The following MAP3K2 variants were observed in gnomAD, a reference collection of about 807,000 sequenced individuals.
The protein encoded by MAP3K2 is mitogen-activated protein kinase kinase kinase 2, also known as MAP/ERK kinase kinase 2.
Under a neutral mutation model 80.3 loss-of-function variants are expected in MAP3K2, and 24 were observed. The observed-to-expected ratio is 0.30, with a 90% CI of 0.22 to 0.42. The LOEUF is 0.42. MAP3K2 is among the 10% of genes least tolerant of loss of function. MAP3K2 has a pLI of 1.00. For synonymous variants in MAP3K2, 244 were observed against 253.7 expected, an observed-to-expected ratio of 0.96 and a Z score of 0.36; for missense variants, 608 against 750.1, an observed-to-expected ratio of 0.81 and a Z score of 2.21.
chr2:127,384,164 G>A lies in MAP3K2; in HGVS notation c.-66+3288C>T, dbSNP rs1687302563. ...CCCGCCTCGGCCTCCCAAAGTGCTG[G>A]GATTACAGGCGTGAGCCACCGTGCC... is the stretch of plus-strand genomic sequence containing the variant. On this transcript the variant is annotated intron_variant, in intron 1 of 16. Coordinates refer to ENST00000682094, the MANE Select transcript of MAP3K2 (RefSeq NM_001371910.2). Among the ~76,000 whole-genome samples the A allele has an allele frequency of 2.0e-5, 3 of 150,306 alleles. No homozygotes were observed. In the East Asian group the frequency reaches 5.8e-4, roughly 29 times the overall value.
At chr2:127,360,692 T>C (rs751307892) in intron 1 of MAP3K2, among the ~76,000 whole-genome samples, 3 of 152,234 alleles carry the variant, frequency 2.0e-5, no homozygotes, top group African/African-American at 7.2e-5. Context: ...ACAAATCTCA[T>C]TACTCTGCAG....
Position 127,334,266 on chromosome 2 carries a change from T to G in MAP3K2, c.264+1604A>C, listed in dbSNP as rs115951098. The stretch of plus-strand genomic sequence containing the variant: ...CAAATCATGTCATGCTAACCTCATT[T>G]TTCTTGATAGACCTACTAGGCTGTA... On this transcript the variant is annotated intron_variant, in intron 5 of 16. Coordinates refer to ENST00000682094, the MANE Select transcript of MAP3K2 (RefSeq NM_001371910.2). Among the ~76,000 whole-genome samples, 514 of 152,270 alleles carry G rather than the reference T, an allele frequency of 3.4e-3. 5 individuals are homozygous for G. The highest frequency in any genetic ancestry group is 0.012 in the African/African-American group (492 of 41,552).
At chr2:127,362,231 C>G (rs1574002233) in intron 1 of MAP3K2, among the ~76,000 whole-genome samples, 1 of 152,206 alleles carries the variant, frequency 6.6e-6, no homozygotes, top group Admixed American at 6.5e-5. Context: ...AGGTGTGTGA[C>G]CGCAGGCAAA....
At chr2:127,376,557 G>T (rs899681958) in intron 1 of MAP3K2, among the ~76,000 whole-genome samples, 4 of 152,118 alleles carry the variant, frequency 2.6e-5, no homozygotes, top group Admixed American at 2.6e-4. Context: ...GGGTCTGCGG[G>T]TTGGACCCAG....
intron 1 of MAP3K2, among the ~76,000 whole-genome samples, chr2:127,376,552 T>C (rs574265041): frequency 6.6e-6 from 1 of 152,292 alleles, no homozygotes; most frequent in African/African-American, 2.4e-5. Context: ...AGCCAGGGTC[T>C]GCGGGTTGGA....
Position 127,326,686 on chromosome 2 carries a change from C to G in MAP3K2, c.597+1G>C. ...ATTTAAAAAATCAAACTTTTGCTTA[C>G]TTGGTCCATGCTCTCTGGAATGAAC... On this transcript the variant is annotated splice_donor_variant, in intron 8 of 16. Transcript: ENST00000682094. LOFTEE classifies it high-confidence loss of function. 1 of 1,560,002 alleles carries G rather than the reference C, an allele frequency of 6.4e-7. No homozygotes were observed. Among genetic ancestry groups the G allele is most frequent in the Non-Finnish European group, 8.6e-7 (1 of 1,156,542 alleles).
At chr2:127,388,200 C>A (rs1368951507), upstream of MAP3K2, 5 of 985,256 alleles carry the variant, frequency 5.1e-6, no homozygotes, top group South Asian at 4.7e-5. Flanking sequence ...GCCCCCGCCC[C>A]TGCCCCGGGG....
chr2:127,351,535 A>T (rs559917164), intron 1 of MAP3K2, among the ~76,000 whole-genome samples: 1 of 152,294 alleles, frequency 6.6e-6, no homozygotes, highest in South Asian at 2.1e-4. Flanking sequence ...ATTTTGAGAT[A>T]GGCTTGACCC....
rs777516152 is a variant in MAP3K2 at position 127,318,256 on chromosome 2, C to G, written c.1107G>C (p.Arg369Ser). The change falls in exon 13 of 17, where the codon AGG becomes AGC. Residue 369 changes from arginine to serine, a missense_variant. Coordinates refer to ENST00000682094, the MANE Select transcript of MAP3K2 (RefSeq NM_001371910.2). ...TATCAACATCATAACAGAGGTAGAC[C>G]CTTCCAAAGGCTCCTTGGCCAAGCA... Reference protein sequence around the residue: ...GKLLGQGAFGRVYLCYDVDTG... With the variant: ...GKLLGQGAFGSVYLCYDVDTG... 3 of 1,610,770 alleles carry G rather than the reference C, an allele frequency of 1.9e-6. No individual in the cohort carries two copies.
rs1046895161 is a variant in MAP3K2, at chr2:127,322,530, A to C, written c.839-278T>G. 1.3e-5 allele frequency among the ~76,000 whole-genome samples: 2 copies of C among 152,072 alleles called. No homozygotes were observed. Among genetic ancestry groups the C allele is most frequent in the Admixed American group, 1.3e-4 (2 of 15,262 alleles). On this transcript the variant is annotated intron_variant, in intron 11 of 16. Transcript: ENST00000682094. The surrounding 1 kb of genome is among the most constrained non-coding windows in gnomAD (Gnocchi z 4.2). ...TGGATAAAAAGGAGGAAAAAAATTT[A>C]CTCTCATTTCCAATAATGATTTTAA...
Position 127,323,905 on chromosome 2 carries a change from C to G in MAP3K2, c.835G>C (p.Asp279His), listed in dbSNP as rs1317446211. ...HVSYHHQEYN[D>H]GRKTFPRARR... ...GGTCTAATTGCTAGAAACTTACCATCATTATACTCTTGATGATGATATGAA... is the reference window on the plus strand; with the variant it reads ...GGTCTAATTGCTAGAAACTTACCATGATTATACTCTTGATGATGATATGAA... The change falls in exon 11 of 17, where the codon GAT becomes CAT. Residue 279 changes from aspartate (D) to histidine (H), a missense_variant. Around this residue, in one of 4 missense-constraint regions of MAP3K2, gnomAD observed 467 missense variants for 521.9 expected, o/e 0.89. Coordinates refer to ENST00000682094, the MANE Select transcript of MAP3K2 (RefSeq NM_001371910.2). 6.8e-7 allele frequency: 1 copy of G among 1,461,126 alleles called. No individual in the cohort carries two copies. Among genetic ancestry groups the G allele is most frequent in the Non-Finnish European group, 9.3e-7 (1 of 1,072,070 alleles). The allele number at this position is 1,461,126 out of a possible 1,614,324, so 90.5% of individuals were successfully genotyped here. A position where few individuals can be genotyped will look rare whatever the true frequency, so the allele number is the denominator to read the frequency against.
chr2:127,299,395 T>C lies in MAP3K2; in HGVS notation c.*8184A>G, dbSNP rs1409700022. The C allele has an allele frequency of 6.6e-6, 1 of 152,218 alleles. No homozygotes were observed. The highest frequency in any genetic ancestry group is 1.5e-5 in the Non-Finnish European group (1 of 68,020). The allele number at this position is 152,218 out of a possible 1,614,324, so 9.4% of individuals were successfully genotyped here. A position where few individuals can be genotyped will look rare whatever the true frequency, so the allele number is the denominator to read the frequency against. On this transcript the variant is annotated 3_prime_UTR_variant, in exon 17 of 17. Coordinates refer to ENST00000682094, the MANE Select transcript of MAP3K2 (RefSeq NM_001371910.2). ...ATCACAATATGCCAATATATTGTTT[T>C]ATAAACCCAGTCTGACCTTGCCCAG...
rs776705567 is a variant in MAP3K2 at position 127,329,999 on chromosome 2, A to T, written c.388T>A (p.Leu130Ile). The T allele has an allele frequency of 3.0e-5, 48 of 1,602,044 alleles. No individual in the cohort carries two copies. The highest frequency in any genetic ancestry group is 3.9e-5 in the Non-Finnish European group (46 of 1,169,960). ...TCTTCTAGTGATGGCAATGGTTCTA[A>T]ATTAGTAGCCTACAAAGGAGAAAAG... ...VINGSTQATN[L>I]EPLPSLEDLD... is the part of the protein sequence containing the mutation. Residue 130 changes from leucine to isoleucine, a missense_variant, in exon 7 of 17, where the codon TTA (leucine) becomes ATA (isoleucine). By Grantham distance (5) the Leu-to-Ile change is conservative. Transcript: ENST00000682094.
intron 15 of MAP3K2, among the ~76,000 whole-genome samples, chr2:127,309,734 G>A (rs1685774452): frequency 6.6e-6 from 1 of 152,126 alleles, no homozygotes; most frequent in South Asian, 2.1e-4. Context: ...ATTAGGATTT[G>A]TCTCATGTTC....
chr2:127,363,535 C>T (rs758632369), intron 1 of MAP3K2, among the ~76,000 whole-genome samples: 1 of 152,124 alleles, frequency 6.6e-6, no homozygotes, highest in African/African-American at 2.4e-5. Flanking sequence ...ACTTCTCAGT[C>T]AGAATTCTGA....
intron 1 of MAP3K2, among the ~76,000 whole-genome samples, chr2:127,361,383 T>C (rs1686887920): frequency 6.7e-6 from 1 of 149,366 alleles, no homozygotes; most frequent in Admixed American, 6.7e-5. Context: ...AGTAATAATA[T>C]AAAAGCAACA....
intron 15 of MAP3K2, among the ~76,000 whole-genome samples, chr2:127,314,437 G>A (rs1450635626): frequency 2.0e-5 from 3 of 152,152 alleles, no homozygotes; most frequent in African/African-American, 7.2e-5. Context: ...ATTTGAATCA[G>A]GCCATCTGGC....
chr2:127,338,342 T>TA (rs1221480199), intron 3 of MAP3K2, among the ~76,000 whole-genome samples: 1 of 152,196 alleles, frequency 6.6e-6, no homozygotes, highest in Non-Finnish European at 1.5e-5. Context: ...AAAATTTTTT[T>TA]AACTTTTAAG....
chr2:127,380,800 G>T (rs1687232077), intron 1 of MAP3K2, among the ~76,000 whole-genome samples: 2 of 152,146 alleles, frequency 1.3e-5, no homozygotes, highest in South Asian at 4.1e-4. Context: ...CTTGTTAAGT[G>T]TGTGTAGATA....
Sources: allele counts gnomAD v4.1 joint callset (sites outside exome capture counted in the v4.1 genomes callset), GRCh38; gene constraint gnomAD v4.1.1; regional missense constraint gnomAD v4.1.1; non-coding constraint Gnocchi (gnomAD v3.1); transcripts MANE v1.5; gene names NCBI Gene and HGNC (gene_info 2026-07-23, HGNC 2026-07-21).